Variants in MCF2L observed in about 807,000 individuals in gnomAD.
The protein encoded by MCF2L is guanine nucleotide exchange factor DBS.
In MCF2L, 97 loss-of-function variants were observed where a neutral mutation model predicts 153.4. The observed-to-expected ratio is 0.63, with a 90% CI of 0.54 to 0.75. The LOEUF (loss-of-function observed/expected upper bound fraction) is 0.75. Among genes scored for constraint, MCF2L ranks in the 30% least tolerant of loss-of-function variants. The probability of loss-of-function intolerance (pLI) is 0.00; values close to 1 mark genes in which losing one functional copy is unlikely to be tolerated. For synonymous variants in MCF2L, 659 were observed against 632.2 expected (o/e 1.04, Z -0.64); for missense variants, 1,347 against 1,495.2 (o/e 0.90, Z 1.64).
intron 3 of MCF2L, among the ~76,000 whole-genome samples, chr13:113,033,108 CGTGAGTGGCCCCCGTGAT>C (rs2085844644): frequency 2.2e-5 from 3 of 137,948 alleles, no homozygotes; most frequent in East Asian, 4.5e-4. Flanking sequence ...GCTGCCATGA[CGTGAGTGGCCCCCGTGAT>C]GTGAGTGGCC....
chr13:113,082,779 G>A (rs1281686435), intron 17 of MCF2L, among the ~76,000 whole-genome samples: 1 of 152,172 alleles, frequency 6.6e-6, no homozygotes, highest in African/African-American at 2.4e-5. Flanking sequence ...TAAGTGAGCC[G>A]CCAGCCGTGA....
intron 2 of MCF2L, among the ~76,000 whole-genome samples, chr13:112,915,427 C>A (rs1243577416): frequency 3.4e-5 from 2 of 59,478 alleles, no homozygotes; most frequent in East Asian, 4.2e-4. Flanking sequence ...AAAAAAAAAT[C>A]CATCCTCACT....
chr13:112,984,025 G>A (rs151042915), intron 1 of MCF2L, among the ~76,000 whole-genome samples: 7 of 152,312 alleles, frequency 4.6e-5, no homozygotes, highest in African/African-American at 1.7e-4. Flanking sequence ...TGTTTACTGA[G>A]TGGAGGTTGG....
Position 113,064,800 on chromosome 13 carries a change from C to A in MCF2L, c.607-136C>A. On this transcript the variant is annotated intron_variant, in intron 6 of 29. Transcript: ENST00000535094. The surrounding 1 kb of genome is among the most constrained non-coding windows in gnomAD (Gnocchi z 6.0). Reference sequence around the variant, plus strand: ...AGGAGGGCAGGACGCTATGGGAGGGCGTTCACCGTCTTTGCGTCAGCCGGT... The same window carrying A: ...AGGAGGGCAGGACGCTATGGGAGGGAGTTCACCGTCTTTGCGTCAGCCGGT... The A allele has an allele frequency of 1.1e-6, 1 of 894,484 alleles. No homozygotes were observed. The highest frequency in any genetic ancestry group is 1.7e-6 in the Non-Finnish European group (1 of 594,534). 55.4% of individuals were successfully genotyped at this position (894,484 alleles called of 1,614,324 possible).
chr13:112,930,978 G>A (rs780754956), intron 2 of MCF2L, among the ~76,000 whole-genome samples: 7 of 152,180 alleles, frequency 4.6e-5, no homozygotes, highest in Non-Finnish European at 1.0e-4. Context: ...GGAGGTCAGA[G>A]GGGTCCCCGG....
At chr13:112,976,233 T>C (rs974404026) in intron 1 of MCF2L, among the ~76,000 whole-genome samples, 2 of 151,850 alleles carry the variant, frequency 1.3e-5, no homozygotes, top group Admixed American at 1.3e-4. Flanking sequence ...TTATTAATAA[T>C]GTTAAAGAAA....
At chr13:112,992,858 T>G (rs2082946506) in intron 1 of MCF2L, among the ~76,000 whole-genome samples, 1 of 152,214 alleles carries the variant, frequency 6.6e-6, no homozygotes, top group African/African-American at 2.4e-5. Flanking sequence ...GCACTGACTT[T>G]CACATTATAT....
At chr13:113,071,627 C>T (rs1378210712) in intron 9 of MCF2L, among the ~76,000 whole-genome samples, 1 of 152,168 alleles carries the variant, frequency 6.6e-6, no homozygotes, top group Non-Finnish European at 1.5e-5. Flanking sequence ...GTTGAAAAGG[C>T]CCTTTCTTCC....
chr13:113,007,333 G>A (rs531584051), intron 1 of MCF2L, among the ~76,000 whole-genome samples: 3 of 152,304 alleles, frequency 2.0e-5, no homozygotes, highest in South Asian at 2.1e-4. Flanking sequence ...AGACCCTCCT[G>A]GTGCCCCTGG....
In MCF2L at chr13:113,017,088, G is replaced by A. The variant is rs55663123; in HGVS notation, c.163+2242G>A. Among the ~76,000 whole-genome samples the A allele has an allele frequency of 6.0e-3, 908 of 152,344 alleles. 5 individuals are homozygous for A. Among genetic ancestry groups the A allele is most frequent in the Non-Finnish European group, 8.9e-3 (605 of 68,030 alleles). ...GCTGGCGCTTCTCCTGCAGATGTGC[G>A]CGGATTTGGAGGAAGCCTGTGGCAG... On this transcript the variant is annotated intron_variant, in intron 2 of 29. Coordinates refer to ENST00000535094, the MANE Select transcript of MCF2L (RefSeq NM_001112732.3).
chr13:112,989,864 T>G (rs1382735678), intron 1 of MCF2L, among the ~76,000 whole-genome samples: 1 of 152,254 alleles, frequency 6.6e-6, no homozygotes, highest in Non-Finnish European at 1.5e-5. Flanking sequence ...GGAAGATAAC[T>G]TTTCCACAGA....
At chr13:113,022,956 A>G (rs1320519) in intron 2 of MCF2L, among the ~76,000 whole-genome samples, 71,741 of 152,160 alleles carry the variant, frequency 0.47, 17,095 homozygotes, top group East Asian at 0.56. Context: ...ATGGGGCATT[A>G]TGTGCCACCA....
At chr13:112,895,319 C>T (rs2081056413) in intron 1 of MCF2L, among the ~76,000 whole-genome samples, 1 of 152,154 alleles carries the variant, frequency 6.6e-6, no homozygotes. Flanking sequence ...GTGGCCCGGG[C>T]CGCCCAGGCA....
rs374855101 is a variant in MCF2L at position 113,075,133 on chromosome 13, G to A, written c.1252G>A (p.Ala418Thr). 1.6e-5 allele frequency: 26 copies of A among 1,612,776 alleles called. No homozygotes were observed. The highest frequency in any genetic ancestry group is 3.3e-5 in the South Asian group (3 of 91,078). ...CTGTGACCAGTTCTCTGCGGAGATC[G>A]CAAGGAGGAGGGGGCTGCTCAGCAA... Reference protein sequence around the residue: ...HLCDQFSAEIARRRGLLSKSL... With the variant: ...HLCDQFSAEITRRRGLLSKSL... Residue 418 changes from alanine to threonine, a missense_variant, in exon 11 of 30, where the codon GCA (alanine) becomes ACA (threonine). This residue lies in a region of MCF2L where 820 missense variants were observed against 921.2 expected (regional missense o/e 0.89). Transcript: ENST00000535094.
At chr13:113,087,492 G>A (rs2034745458) in intron 22 of MCF2L, 36 bp downstream of exon 22, 3 of 1,523,346 alleles carry the variant, frequency 2.0e-6, no homozygotes, top group Admixed American at 3.7e-5. Flanking sequence ...CACGCTCCTG[G>A]CCACAGACCC....
chr13:113,003,070 G>C (rs1041530271), intron 1 of MCF2L, among the ~76,000 whole-genome samples: 1 of 152,180 alleles, frequency 6.6e-6, no homozygotes, highest in African/African-American at 2.4e-5. Flanking sequence ...CAGCCACCTG[G>C]GGGGCTGAGA....
intron 2 of MCF2L, among the ~76,000 whole-genome samples, chr13:112,958,442 C>T (rs377068100): frequency 9.9e-5 from 15 of 152,176 alleles, no homozygotes; most frequent in African/African-American, 2.9e-4. Context: ...ATGCTCCATT[C>T]GGAGCCAGCT....
upstream of MCF2L, chr13:112,968,542 C>T (rs1416051790): frequency 6.4e-7 from 1 of 1,555,426 alleles, no homozygotes; most frequent in Non-Finnish European, 8.6e-7. Context: ...AGGCGATGCC[C>T]CTGCGGGGAG....
chr13:113,060,512 C>A (rs753338296), intron 4 of MCF2L, 81 bp from the exon 5 acceptor site: 2 of 1,558,304 alleles, frequency 1.3e-6, no homozygotes, highest in Non-Finnish European at 1.7e-6. Context: ...CCCCGGTCAG[C>A]CCAGCGTGCA....
Sources: allele counts gnomAD v4.1 joint callset (sites outside exome capture counted in the v4.1 genomes callset), GRCh38; gene constraint gnomAD v4.1.1; regional missense constraint gnomAD v4.1.1; non-coding constraint Gnocchi (gnomAD v3.1); transcripts MANE v1.5; gene names NCBI Gene and HGNC (gene_info 2026-07-23, HGNC 2026-07-21).